The following UBE4B variants were observed in gnomAD, a reference collection of about 807,000 sequenced individuals.
UBE4B encodes ubiquitination factor E4B.
A neutral mutation model predicts 148.1 loss-of-function variants in UBE4B; 27 were observed. The observed-to-expected ratio is 0.18, with a 90% CI of 0.13 to 0.25. UBE4B has a LOEUF of 0.25. Among genes scored for constraint, UBE4B ranks in the 10% least tolerant of loss-of-function variants. The probability of loss-of-function intolerance (pLI) is 1.00; values close to 1 mark genes in which losing one functional copy is unlikely to be tolerated. For synonymous variants in UBE4B, 596 were observed against 619.3 expected (o/e 0.96, Z 0.56); for missense variants, 1,170 against 1,662.4 (o/e 0.70, Z 5.15).
intron 2 of UBE4B, among the ~76,000 whole-genome samples, chr1:10,087,674 A>T (rs1478574534): frequency 6.6e-6 from 1 of 152,246 alleles, no homozygotes; most frequent in African/African-American, 2.4e-5. Context: ...TCAGGGGTAT[A>T]TAATATCCAC....
intron 25 of UBE4B, among the ~76,000 whole-genome samples, chr1:10,175,980 C>T (rs1646424029): frequency 6.6e-6 from 1 of 152,130 alleles, no homozygotes; most frequent in Admixed American, 6.5e-5. Flanking sequence ...TTAAAGCAGT[C>T]GCTGTCTAGA....
rs1458629457 is a variant in UBE4B, at chr1:10,105,488, C to G, written c.581-28C>G. 1.9e-6 allele frequency: 3 copies of G among 1,606,352 alleles called. No homozygotes were observed. The East Asian group carries it at 6.7e-5, about 36-fold the overall frequency. ...TAACCTGTGTTCGAACTGTGTGTAA[C>G]CTGTTCTTTGTTCTGCCTTTCCAAC... On this transcript the variant is annotated intron_variant, in intron 5 of 27. Transcript: ENST00000343090.
chr1:10,179,712 T>C, intron 27 of UBE4B, 150 bp downstream of exon 27: 2 of 1,414,876 alleles, frequency 1.4e-6, no homozygotes, highest in South Asian at 2.7e-5. Context: ...CCCAAAACAC[T>C]CTTGGCCCTT....
chr1:10,129,999 T>C (rs991636737), intron 12 of UBE4B, among the ~76,000 whole-genome samples: 3 of 151,474 alleles, frequency 2.0e-5, no homozygotes, highest in African/African-American at 7.3e-5. Context: ...TAACAAGAGG[T>C]ATGGAAAAGT....
intron 24 of UBE4B, 86 bp from the exon 25 acceptor site, chr1:10,171,052 C>G: frequency 7.2e-7 from 1 of 1,396,954 alleles, no homozygotes; most frequent in Non-Finnish European, 9.8e-7. Context: ...CCAACCAATT[C>G]CTGTTCCTCC....
chr1:10,093,146 A>G (rs1644876507), intron 2 of UBE4B, among the ~76,000 whole-genome samples: 1 of 152,170 alleles, frequency 6.6e-6, no homozygotes, highest in Non-Finnish European at 1.5e-5. Flanking sequence ...TAATTTTATA[A>G]CTTGTTTTGT....
intron 1 of UBE4B, among the ~76,000 whole-genome samples, chr1:10,061,126 T>G (rs1203017067): frequency 6.6e-6 from 1 of 152,200 alleles, no homozygotes; most frequent in Non-Finnish European, 1.5e-5. Flanking sequence ...TGCAGCATAC[T>G]GCAAACCTAC....
intron 12 of UBE4B, 33 bp downstream of exon 12, chr1:10,129,481 C>A: frequency 6.3e-7 from 1 of 1,598,102 alleles, no homozygotes; most frequent in African/African-American, 1.3e-5. Flanking sequence ...TGCACATTTT[C>A]AGTGAATATA....
intron 1 of UBE4B, among the ~76,000 whole-genome samples, chr1:10,067,784 A>G (rs1037200443): frequency 4.0e-5 from 6 of 151,700 alleles, no homozygotes; most frequent in African/African-American, 9.7e-5. Context: ...CTGGAGTGCA[A>G]TGGCGTGATC....
chr1:10,152,976 G>T (rs970616150), intron 21 of UBE4B, among the ~76,000 whole-genome samples: 3 of 151,876 alleles, frequency 2.0e-5, no homozygotes, highest in Non-Finnish European at 4.4e-5. Context: ...TGGCCAGTAG[G>T]TGCTGGTGTC....
In UBE4B at chr1:10,147,633, G is replaced by A. The variant is rs75334915; in HGVS notation, c.2591+543G>A. On this transcript the variant is annotated intron_variant, in intron 19 of 27. Transcript: ENST00000343090. ...ACACCTGTTATTTTAATTTTGACAA[G>A]TTTTCTTTAAAATTTGCTATAAAGT... Among the ~76,000 whole-genome samples, 3 of 152,260 alleles carry A rather than the reference G, an allele frequency of 2.0e-5. No individual in the cohort carries two copies. In the East Asian group the frequency reaches 5.8e-4, roughly 29 times the overall value.
rs71583842 is a variant in UBE4B, at chr1:10,126,302, T to TATAGATAG, written c.1555-446_1555-439dup. 4.5e-3 allele frequency among the ~76,000 whole-genome samples: 664 copies of TATAGATAG among 147,368 alleles called. 2 individuals are homozygous for TATAGATAG. The highest frequency in any genetic ancestry group is 5.2e-3 in the East Asian group (26 of 5,016). On this transcript the variant is annotated intron_variant, in intron 10 of 27. Transcript: ENST00000343090. ...GTGACAGAGCGAGACTCCGTCTCAA[T>TATAGATAG]ATAGATAGATAGATAGATAGATAGA...
intron 7 of UBE4B, among the ~76,000 whole-genome samples, chr1:10,116,411 G>A (rs1190743279): frequency 6.6e-6 from 1 of 152,114 alleles, no homozygotes; most frequent in Non-Finnish European, 1.5e-5. Flanking sequence ...CGAAAGTGCT[G>A]GGATTACAGG....
chr1:10,126,711 C>T, intron 10 of UBE4B, 83 bp from the exon 11 acceptor site: 2 of 1,180,998 alleles, frequency 1.7e-6, no homozygotes, highest in Non-Finnish European at 1.2e-6. Context: ...TTTGGACATT[C>T]AGTTCTAGCA....
chr1:10,116,538 C>T (rs1329940080), intron 7 of UBE4B, among the ~76,000 whole-genome samples: 1 of 152,106 alleles, frequency 6.6e-6, no homozygotes, highest in African/African-American at 2.4e-5. Context: ...TTTTTCCTGT[C>T]GTAATTAATC....
At chr1:10,155,951 A>T (rs571854428) in intron 21 of UBE4B, among the ~76,000 whole-genome samples, 2 of 151,276 alleles carry the variant, frequency 1.3e-5, no homozygotes, top group African/African-American at 4.8e-5. Flanking sequence ...TTGAACCGGG[A>T]CCTGGGAGGT....
intron 10 of UBE4B, among the ~76,000 whole-genome samples, chr1:10,122,607 G>A (rs115020324): frequency 0.015 from 2,334 of 152,318 alleles, 31 homozygotes; most frequent in Non-Finnish European, 0.021. Context: ...AAAGCCAGGT[G>A]AAAATGCAGA....
chr1:10,080,390 A>T (rs544557023), intron 2 of UBE4B, among the ~76,000 whole-genome samples: 2 of 151,534 alleles, frequency 1.3e-5, no homozygotes, highest in Admixed American at 6.6e-5. Flanking sequence ...ACTGCACTCC[A>T]GTGTGGTGAG....
rs187566373 is a variant in UBE4B at position 10,080,633 on chromosome 1, A to G, written c.211+8419A>G. Among the ~76,000 whole-genome samples, 1,160 of 152,264 alleles carry G rather than the reference A, an allele frequency of 7.6e-3. 10 individuals are homozygous for G. Among genetic ancestry groups the G allele is most frequent in the South Asian group, 0.018 (89 of 4,818 alleles). ...TCATGTTCATTGCAGCATTATTCCA[A>G]ATAGCCAAGATATGGAAGCAACCTA... On this transcript the variant is annotated intron_variant, in intron 2 of 27. Coordinates refer to ENST00000343090, the MANE Select transcript of UBE4B (RefSeq NM_001105562.3).
Sources: allele counts gnomAD v4.1 joint callset (sites outside exome capture counted in the v4.1 genomes callset), GRCh38; gene constraint gnomAD v4.1.1; transcripts MANE v1.5; gene names NCBI Gene and HGNC (gene_info 2026-07-23, HGNC 2026-07-21).